The following RORA variants were observed in gnomAD, a reference collection of about 807,000 sequenced individuals.
The protein encoded by RORA is RAR related orphan receptor A.
A neutral mutation model predicts 69.5 loss-of-function variants in RORA; 7 were observed. That is an observed-to-expected ratio of 0.10 (90% CI 0.06 to 0.19). The LOEUF (loss-of-function observed/expected upper bound fraction) is 0.19. Among genes scored for constraint, RORA ranks in the 10% least tolerant of loss-of-function variants. RORA has a pLI of 1.00. For synonymous variants in RORA, 261 were observed against 240.8 expected (o/e 1.08, Z -0.78); for missense variants, 457 against 663.0 (o/e 0.69, Z 3.41).
At chr15:60,927,165 C>T (rs1031341602) in intron 1 of RORA, among the ~76,000 whole-genome samples, 7 of 152,214 alleles carry the variant, frequency 4.6e-5, no homozygotes, top group Admixed American at 2.6e-4. Context: ...TCCCACCTCT[C>T]TGACCAGATA....
At chr15:60,679,952 AATC>A (rs2070618634) in intron 1 of RORA, among the ~76,000 whole-genome samples, 1 of 151,864 alleles carries the variant, frequency 6.6e-6, no homozygotes, top group African/African-American at 2.4e-5. Context: ...GTTTGTTTTA[AATC>A]ATGTTTGAGT....
At chr15:60,643,051 G>A (rs1471615421) in intron 2 of RORA, among the ~76,000 whole-genome samples, 1 of 152,130 alleles carries the variant, frequency 6.6e-6, no homozygotes, top group Non-Finnish European at 1.5e-5. Flanking sequence ...CAGCTACTCG[G>A]GAGGCTGAGG....
At chr15:60,499,809 A>T (rs2065274131) in intron 10 of RORA, 83 bp downstream of exon 10, 1 of 731,218 alleles carries the variant, frequency 1.4e-6, no homozygotes. Flanking sequence ...AATTGGTCAT[A>T]TGACTTACAT....
intron 2 of RORA, among the ~76,000 whole-genome samples, chr15:60,538,194 G>A (rs1476790884): frequency 6.6e-6 from 1 of 152,100 alleles, no homozygotes; most frequent in Non-Finnish European, 1.5e-5. Flanking sequence ...CTGATCTGGG[G>A]CTCTCAAGAG....
At chr15:60,812,209 A>G (rs2072754036) in intron 1 of RORA, among the ~76,000 whole-genome samples, 1 of 152,220 alleles carries the variant, frequency 6.6e-6, no homozygotes, top group Admixed American at 6.5e-5. Context: ...GTTTATTGTG[A>G]AAATTAAATG....
At chr15:61,220,091 G>C (rs1279522741) in intron 1 of RORA, among the ~76,000 whole-genome samples, 1 of 152,212 alleles carries the variant, frequency 6.6e-6, no homozygotes, top group African/African-American at 2.4e-5. Flanking sequence ...CTCATCCAAA[G>C]CACGTGATGA....
intron 1 of RORA, among the ~76,000 whole-genome samples, chr15:61,037,185 G>A (rs1896499831): frequency 6.6e-6 from 1 of 152,112 alleles, no homozygotes; most frequent in Non-Finnish European, 1.5e-5. Flanking sequence ...TGTAAGAATT[G>A]AAAAATATGT....
In RORA at chr15:60,586,969, G is replaced by T. The variant is rs1657806; in HGVS notation, c.197-55118C>A. ...AATAGATCTACAATCATGCCCCTAA[G>T]CTGTCATGAAAACAAACACGACAGC... On this transcript the variant is annotated intron_variant, in intron 2 of 10. Transcript: ENST00000335670. Among the ~76,000 whole-genome samples, 803 of 152,236 alleles carry T rather than the reference G, an allele frequency of 5.3e-3. 11 individuals are homozygous for T. Among genetic ancestry groups the T allele is most frequent in the African/African-American group, 0.019 (771 of 41,540 alleles).
intron 2 of RORA, among the ~76,000 whole-genome samples, chr15:60,663,139 A>G (rs926836207): frequency 7.9e-5 from 12 of 152,182 alleles, no homozygotes; most frequent in African/African-American, 2.7e-4. Flanking sequence ...TGCCCAGTCC[A>G]GCTTCCCTCA....
intron 1 of RORA, among the ~76,000 whole-genome samples, chr15:60,793,167 AG>A (rs2072442112): frequency 6.6e-6 from 1 of 152,236 alleles, no homozygotes; most frequent in African/African-American, 2.4e-5. Context: ...TGATCTCAAA[AG>A]TTCCTTTTGG....
At chr15:60,592,126 AGACT>A (rs1391376201) in intron 2 of RORA, among the ~76,000 whole-genome samples, 1 of 140,878 alleles carries the variant, frequency 7.1e-6, no homozygotes, top group Non-Finnish European at 1.5e-5. Flanking sequence ...CGGACCCAAG[AGACT>A]GACAGGAGCC....
chr15:60,520,143 A>C (rs535672803), intron 3 of RORA: 1 of 152,226 alleles, frequency 6.6e-6, no homozygotes, highest in South Asian at 2.1e-4. Context: ...ATGCCTGCTG[A>C]AAAGTTCTGG....
At chr15:61,037,032 G>A (rs571299236) in intron 1 of RORA, among the ~76,000 whole-genome samples, 15 of 152,244 alleles carry the variant, frequency 9.9e-5, no homozygotes, top group African/African-American at 2.6e-4. Flanking sequence ...CGGCAACAGG[G>A]TAGATAGCTT....
chr15:60,810,829 T>C (rs1168418043), intron 1 of RORA, among the ~76,000 whole-genome samples: 2 of 152,176 alleles, frequency 1.3e-5, no homozygotes, highest in Non-Finnish European at 2.9e-5. Flanking sequence ...GTTTATCTGC[T>C]CTAATTTAAG....
intron 1 of RORA, among the ~76,000 whole-genome samples, chr15:60,805,255 A>G (rs909475859): frequency 1.3e-5 from 2 of 152,234 alleles, no homozygotes; most frequent in African/African-American, 4.8e-5. Flanking sequence ...CACTCTGACA[A>G]CAGCCCAAAT....
At chr15:60,896,071 G>C (rs939433295) in intron 1 of RORA, among the ~76,000 whole-genome samples, 15 of 152,264 alleles carry the variant, frequency 9.9e-5, no homozygotes, top group Middle Eastern at 6.8e-3. Flanking sequence ...TTTCTGGGCA[G>C]TCTCTGGAGT....
intron 1 of RORA, among the ~76,000 whole-genome samples, chr15:60,873,499 C>G (rs1476287482): frequency 6.6e-6 from 1 of 152,074 alleles, no homozygotes; most frequent in African/African-American, 2.4e-5. Flanking sequence ...ATTCATATAA[C>G]TTGTGGTGAG....
chr15:61,229,195 G>T lies in RORA; in HGVS notation c.24C>A (p.Pro8=), dbSNP rs775784471. Residue 8 remains proline, a synonymous_variant, in exon 1 of 11, where the codon CCC becomes CCA. Coordinates refer to ENST00000335670, the MANE Select transcript of RORA (RefSeq NM_134261.3). ...TGCCTGGCTCGCTGGCGGCGGGGTC[G>T]GGGGCTGCCGGAGCTGACTCCATGT... MESAPAA[P]DPAASEPGSS... 1.9e-6 allele frequency: 3 copies of T among 1,545,906 alleles called. No individual in the cohort carries two copies. The highest frequency in any genetic ancestry group is 2.4e-5 in the East Asian group (1 of 41,112).
intron 2 of RORA, among the ~76,000 whole-genome samples, chr15:60,668,365 T>TA (rs1408198921): frequency 6.6e-6 from 1 of 152,226 alleles, no homozygotes; most frequent in Non-Finnish European, 1.5e-5. Context: ...CAGTTGTCTC[T>TA]AAGGTTCTTC....
Sources: allele counts gnomAD v4.1 joint callset (sites outside exome capture counted in the v4.1 genomes callset), GRCh38; gene constraint gnomAD v4.1.1; transcripts MANE v1.5; gene names NCBI Gene and HGNC (gene_info 2026-07-23, HGNC 2026-07-21).